SLC9A9: variants seen among roughly 807,000 people sequenced by gnomAD.
SLC9A9 encodes sodium/hydrogen exchanger 9.
SLC9A9 carries 62 observed loss-of-function variants against 77.8 expected under a neutral mutation model. The observed-to-expected ratio is 0.80, with a 90% CI of 0.65 to 0.98. The LOEUF (loss-of-function observed/expected upper bound fraction) is 0.98. SLC9A9 is among the 50% of genes least tolerant of loss of function. The pLI, the probability that SLC9A9 is intolerant of heterozygous loss-of-function variation, is 0.00. For synonymous variants in SLC9A9, 320 were observed against 283.5 expected (o/e 1.13, Z -1.29); for missense variants, 775 against 774.9 (o/e 1.00, Z 0.00).
At chr3:143,793,346 TATA>T (rs1388132743) in intron 4 of SLC9A9, among the ~76,000 whole-genome samples, 1 of 152,178 alleles carries the variant, frequency 6.6e-6, no homozygotes, top group African/African-American at 2.4e-5. Flanking sequence ...AGTGAAAGCA[TATA>T]ATATAAATAA....
intron 12 of SLC9A9, among the ~76,000 whole-genome samples, chr3:143,394,367 A>G (rs2108507528): frequency 6.6e-6 from 1 of 152,350 alleles, no homozygotes; most frequent in East Asian, 1.9e-4. Context: ...GATTATCCCA[A>G]TAGAAGCAGA....
At chr3:143,342,044 C>T (rs2032115965) in intron 14 of SLC9A9, among the ~76,000 whole-genome samples, 1 of 152,142 alleles carries the variant, frequency 6.6e-6, no homozygotes, top group Non-Finnish European at 1.5e-5. Flanking sequence ...ACAGTCAGGA[C>T]CCAGCTCTGC....
intron 5 of SLC9A9, among the ~76,000 whole-genome samples, chr3:143,661,379 C>T (rs906669685): frequency 5.3e-5 from 8 of 152,258 alleles, no homozygotes; most frequent in Middle Eastern, 3.4e-3. Flanking sequence ...TCCCCAAGGC[C>T]ACGGATGCTG....
chr3:143,275,988 T>A (rs1416438310), intron 14 of SLC9A9, among the ~76,000 whole-genome samples: 1 of 152,232 alleles, frequency 6.6e-6, no homozygotes, highest in Non-Finnish European at 1.5e-5. Context: ...GCGGTTTGCA[T>A]GATGAGCTTT....
chr3:143,337,302 T>C (rs1263858066), intron 14 of SLC9A9, among the ~76,000 whole-genome samples: 1 of 152,086 alleles, frequency 6.6e-6, no homozygotes, highest in African/African-American at 2.4e-5. Flanking sequence ...CACTGTGGAT[T>C]TTCCGAGGCA....
intron 14 of SLC9A9, among the ~76,000 whole-genome samples, chr3:143,276,572 T>C (rs1027804276): frequency 6.6e-6 from 1 of 151,808 alleles, no homozygotes; most frequent in Non-Finnish European, 1.5e-5. Context: ...TCTAGCATAT[T>C]ACCAAGGAAT....
intron 2 of SLC9A9, among the ~76,000 whole-genome samples, chr3:143,831,177 AC>A (rs1244844379): frequency 6.6e-6 from 1 of 152,152 alleles, no homozygotes; most frequent in African/African-American, 2.4e-5. Flanking sequence ...GAAACAATGG[AC>A]TTCCACAGTG....
intron 5 of SLC9A9, among the ~76,000 whole-genome samples, chr3:143,689,911 A>G (rs1576661419): frequency 6.6e-6 from 1 of 152,114 alleles, no homozygotes; most frequent in East Asian, 1.9e-4. Context: ...CAGGGAGAGA[A>G]GCTAGATTTC....
rs2008400270 is a variant in SLC9A9 at position 143,796,888 on chromosome 3, C to A, written c.394G>T (p.Glu132Ter). 6.2e-7 allele frequency: 1 copy of A among 1,611,900 alleles called. No homozygotes were observed. Reference sequence around the variant, plus strand: ...GGCAGTAAAACATTGAAGAAGATTTCTGGATCAAATGTCATCTGCCAGAAA... The same window carrying A: ...GGCAGTAAAACATTGAAGAAGATTTATGGATCAAATGTCATCTGCCAGAAA... ...AILEKMTFDP[E>*]IFFNVLLPPI... The change falls in exon 3 of 16, where the codon GAA (glutamate) becomes TAA (stop). Residue 132 changes from glutamate (E) to a stop codon, truncating the protein, a stop_gained. Coordinates refer to ENST00000316549, the MANE Select transcript of SLC9A9 (RefSeq NM_173653.4). LOFTEE classifies it high-confidence loss of function.
At position 143,449,826 on chromosome 3, in the gene SLC9A9, A is replaced by ATG. The variant is rs1430940560; in HGVS notation, c.1469+17210_1469+17211insCA. Among the ~76,000 whole-genome samples the ATG allele has an allele frequency of 4.4e-4, 14 of 31,782 alleles. 1 individual carries two copies. In the East Asian group the frequency reaches 0.035, roughly 80 times the overall value. 20.9% of individuals were successfully genotyped at this position (31,782 alleles called of 152,430 possible). A position where few individuals can be genotyped will look rare whatever the true frequency, so the allele number is the denominator to read the frequency against. ...TATATATATAATTATATATTTACAT[A>ATG]TATAATTATATGTATTATATATATA... On this transcript the variant is annotated intron_variant, in intron 12 of 15. Coordinates refer to ENST00000316549, the MANE Select transcript of SLC9A9 (RefSeq NM_173653.4).
At chr3:143,574,788 C>T (rs543386432) in intron 7 of SLC9A9, among the ~76,000 whole-genome samples, 5 of 152,166 alleles carry the variant, frequency 3.3e-5, no homozygotes, top group Non-Finnish European at 7.4e-5. Context: ...TTCATTTTGA[C>T]AAGGATGACA....
intron 13 of SLC9A9, among the ~76,000 whole-genome samples, chr3:143,367,784 A>C (rs1006182118): frequency 4.6e-5 from 7 of 152,144 alleles, no homozygotes; most frequent in Non-Finnish European, 7.4e-5. Flanking sequence ...TCACAAGTTG[A>C]ATCTGGAACT....
intron 9 of SLC9A9, among the ~76,000 whole-genome samples, chr3:143,528,484 A>G (rs1200265514): frequency 6.6e-6 from 1 of 152,194 alleles, no homozygotes; most frequent in Non-Finnish European, 1.5e-5. Context: ...TGGGTGATCA[A>G]CAAATCTAAG....
intron 9 of SLC9A9, among the ~76,000 whole-genome samples, chr3:143,512,593 C>T (rs1011007203): frequency 6.6e-6 from 1 of 152,172 alleles, no homozygotes; most frequent in Non-Finnish European, 1.5e-5. Flanking sequence ...AAACAATGTA[C>T]ATGGCTGGGT....
chr3:143,809,164 G>A (rs2008800025), intron 2 of SLC9A9, among the ~76,000 whole-genome samples: 1 of 152,194 alleles, frequency 6.6e-6, no homozygotes, highest in Non-Finnish European at 1.5e-5. Context: ...TGATCATCTG[G>A]AAGAGAGAAA....
intron 14 of SLC9A9, among the ~76,000 whole-genome samples, chr3:143,324,096 C>G (rs375319727): frequency 3.0e-4 from 46 of 152,024 alleles, no homozygotes; most frequent in Non-Finnish European, 5.0e-4. Context: ...AGCTGCTTTT[C>G]GCTATTATCA....
chr3:143,309,579 T>G (rs1367465522), intron 14 of SLC9A9, among the ~76,000 whole-genome samples: 1 of 152,138 alleles, frequency 6.6e-6, no homozygotes, highest in Admixed American at 6.6e-5. Context: ...CCTAGTTGAG[T>G]GTAGGATTTC....
intron 6 of SLC9A9, among the ~76,000 whole-genome samples, chr3:143,593,072 A>G (rs937674188): frequency 6.6e-6 from 1 of 152,228 alleles, no homozygotes; most frequent in Non-Finnish European, 1.5e-5. Context: ...GAATTAAAAA[A>G]AAATTTGGAA....
chr3:143,547,756 C>T (rs916757323), intron 9 of SLC9A9, among the ~76,000 whole-genome samples: 35 of 152,198 alleles, frequency 2.3e-4, no homozygotes, highest in African/African-American at 7.7e-4. Flanking sequence ...CTTTTCTGGA[C>T]ACCCAATCTA....
Sources: allele counts gnomAD v4.1 joint callset (sites outside exome capture counted in the v4.1 genomes callset), GRCh38; gene constraint gnomAD v4.1.1; transcripts MANE v1.5; gene names NCBI Gene and HGNC (gene_info 2026-07-23, HGNC 2026-07-21).